DOCK2: variants seen among roughly 807,000 people sequenced by gnomAD.
The protein encoded by DOCK2 is dedicator of cytokinesis 2.
In DOCK2, 87 loss-of-function variants were observed where a neutral mutation model predicts 248.9. The observed-to-expected ratio is 0.35, with a 90% CI of 0.29 to 0.42. The LOEUF is 0.42. DOCK2 is among the 10% of genes least tolerant of loss of function. DOCK2 has a pLI of 1.00. For synonymous variants in DOCK2, 805 were observed against 821.6 expected, an observed-to-expected ratio of 0.98 and a Z score of 0.35; for missense variants, 1,747 against 2,300.2, an observed-to-expected ratio of 0.76 and a Z score of 4.92.
intron 5 of DOCK2, among the ~76,000 whole-genome samples, chr5:169,671,992 G>T (rs561164531): frequency 6.6e-6 from 1 of 151,970 alleles, no homozygotes; most frequent in South Asian, 2.1e-4. Flanking sequence ...ACTATACGCT[G>T]ACCTTTTTTT....
chr5:169,907,490 C>T (rs1021169816), intron 27 of DOCK2, among the ~76,000 whole-genome samples: 3 of 152,142 alleles, frequency 2.0e-5, no homozygotes, highest in Non-Finnish European at 4.4e-5. Context: ...TTTAGAAAGT[C>T]AAAGTAGTTA....
At position 169,718,417 on chromosome 5, in the gene DOCK2, A is replaced by G. The variant is rs1024885036; in HGVS notation, c.2133-240A>G. The stretch of plus-strand genomic sequence containing the variant: ...CTGATTGTGACTAGTTCTCCTAGTC[A>G]AAAGATTTTTTTTTCCTCCCTATCT... On this transcript the variant is annotated intron_variant, in intron 21 of 51. Transcript: ENST00000520908. 7.9e-5 allele frequency among the ~76,000 whole-genome samples: 12 copies of G among 152,196 alleles called. 1 individual carries two copies. Among genetic ancestry groups the G allele is most frequent in the Non-Finnish European group, 2.9e-5 (2 of 68,034 alleles).
At chr5:169,980,581 ACACACACACACACATATGCAGG>A (rs1269584587) in intron 27 of DOCK2, 3 of 150,584 alleles carry the variant, frequency 2.0e-5, no homozygotes, top group Non-Finnish European at 4.4e-5. Context: ...GTGTATAGAC[ACACACACACACACATATGCAGG>A]CACACACACA....
intron 32 of DOCK2, among the ~76,000 whole-genome samples, chr5:170,014,244 C>T (rs913380081): frequency 1.2e-4 from 18 of 152,124 alleles, no homozygotes; most frequent in African/African-American, 4.1e-4. Flanking sequence ...TAACCAACAT[C>T]GAGCACTGTG....
intron 27 of DOCK2, among the ~76,000 whole-genome samples, chr5:169,922,479 T>C (rs1775226790): frequency 6.6e-6 from 1 of 152,260 alleles, no homozygotes; most frequent in African/African-American, 2.4e-5. Flanking sequence ...GTATCCAGAC[T>C]GGGCTTGATA....
At chr5:170,013,857 G>T (rs1354958738) in intron 32 of DOCK2, among the ~76,000 whole-genome samples, 1 of 152,092 alleles carries the variant, frequency 6.6e-6, no homozygotes, top group Non-Finnish European at 1.5e-5. Flanking sequence ...CCCGAATCAG[G>T]TTAGAGATAT....
At chr5:169,852,267 T>G (rs1387630300) in intron 27 of DOCK2, among the ~76,000 whole-genome samples, 1 of 152,206 alleles carries the variant, frequency 6.6e-6, no homozygotes, top group Non-Finnish European at 1.5e-5. Flanking sequence ...TTTAAGCGTG[T>G]TCTTAAAGGT....
At chr5:169,918,951 A>C (rs1271166246) in intron 27 of DOCK2, among the ~76,000 whole-genome samples, 1 of 152,164 alleles carries the variant, frequency 6.6e-6, no homozygotes, top group East Asian at 1.9e-4. Flanking sequence ...TAGGGGCCAG[A>C]TATATGAGTA....
rs201902675 is a variant in DOCK2, at chr5:170,077,860, G to A, written c.4994+23G>A. 7.6e-4 allele frequency: 1,215 copies of A among 1,607,672 alleles called. 4 individuals carry two copies. The highest frequency in any genetic ancestry group is 3.5e-3 in the Middle Eastern group (21 of 6,042). On this transcript the variant is annotated intron_variant, in intron 48 of 51. Coordinates refer to ENST00000520908, the MANE Select transcript of DOCK2 (RefSeq NM_004946.3). ...GAGGTCAGTCCCTGCACCCCAAGGA[G>A]CCCCCCACACCCCTGCCTCCCTGGC... is the stretch of plus-strand genomic sequence containing the variant.
intron 25 of DOCK2, among the ~76,000 whole-genome samples, chr5:169,801,837 A>C (rs1173206936): frequency 7.1e-6 from 1 of 141,702 alleles, no homozygotes; most frequent in African/African-American, 2.6e-5. Context: ...TCCTGTAATC[A>C]CCTCTGTCAG....
chr5:169,759,022 C>T (rs1167838805), intron 23 of DOCK2, among the ~76,000 whole-genome samples: 3 of 152,202 alleles, frequency 2.0e-5, no homozygotes, highest in Non-Finnish European at 4.4e-5. Flanking sequence ...AAACTGTAGT[C>T]TGCCCTGCTG....
intron 33 of DOCK2, among the ~76,000 whole-genome samples, chr5:170,025,310 C>T (rs1193889384): frequency 6.6e-6 from 1 of 152,234 alleles, no homozygotes; most frequent in Non-Finnish European, 1.5e-5. Context: ...GGACTACAGC[C>T]ATGCCAATTT....
chr5:169,993,334 C>T (rs1175015712), intron 29 of DOCK2, among the ~76,000 whole-genome samples: 1 of 152,218 alleles, frequency 6.6e-6, no homozygotes, highest in Non-Finnish European at 1.5e-5. Flanking sequence ...TGTCTGCTGA[C>T]TGATCCCTGT....
intron 45 of DOCK2, 27 bp downstream of exon 45, chr5:170,067,713 G>A (rs763713985): frequency 6.2e-7 from 1 of 1,611,832 alleles, no homozygotes; most frequent in Non-Finnish European, 8.5e-7. Flanking sequence ...TCCAAGTCTA[G>A]GGGAGCTCGG....
chr5:169,747,479 A>G lies in DOCK2; in HGVS notation c.2351A>G (p.Gln784Arg). The G allele has an allele frequency of 6.2e-7, 1 of 1,613,650 alleles. No homozygotes were observed. Among genetic ancestry groups the G allele is most frequent in the Non-Finnish European group, 8.5e-7 (1 of 1,179,812 alleles). The change falls in exon 23 of 52, where the codon CAA (glutamine) becomes CGA (arginine). Residue 784 changes from glutamine (Q) to arginine (R), a missense_variant. By Grantham distance (43) the Gln-to-Arg change is conservative. Coordinates refer to ENST00000520908, the MANE Select transcript of DOCK2 (RefSeq NM_004946.3). ...TCCATCAACAATCTGATGAAAAGTC[A>G]ATACAAAACTACCATCCTTTTGCAG... ...FESINNLMKSQYKTTILLQVA... is the reference protein window; with the variant it reads ...FESINNLMKSRYKTTILLQVA...
intron 26 of DOCK2, among the ~76,000 whole-genome samples, chr5:169,812,875 T>C (rs1212271484): frequency 6.6e-6 from 1 of 152,206 alleles, no homozygotes; most frequent in Non-Finnish European, 1.5e-5. Context: ...GTAGCCCCAT[T>C]AGTATTGAGG....
chr5:169,991,873 T>C (rs1778218948), intron 29 of DOCK2, among the ~76,000 whole-genome samples: 1 of 152,268 alleles, frequency 6.6e-6, no homozygotes, highest in South Asian at 2.1e-4. Flanking sequence ...TTTCCTCTTA[T>C]GTTTAATGGG....
chr5:169,853,478 G>A (rs917107219), intron 27 of DOCK2, among the ~76,000 whole-genome samples: 1 of 152,178 alleles, frequency 6.6e-6, no homozygotes, highest in Non-Finnish European at 1.5e-5. Context: ...ATGCAGTGAT[G>A]CATTTGTGTA....
At chr5:170,030,915 C>T (rs4403187) in intron 34 of DOCK2, among the ~76,000 whole-genome samples, 62,133 of 152,030 alleles carry the variant, frequency 0.41, 13,479 homozygotes, top group East Asian at 0.58. Flanking sequence ...AGAGCTACTC[C>T]CCCTGTGGCA....
Sources: gnomAD v4.1 joint callset for allele counts (sites outside exome capture counted in the v4.1 genomes callset) on GRCh38, gnomAD v4.1.1 for gene constraint, MANE v1.5 for transcripts, NCBI Gene and HGNC (gene_info 2026-07-23, HGNC 2026-07-21) for gene names.